STXBP3: variants seen among roughly 807,000 people sequenced by gnomAD.
The protein encoded by STXBP3 is syntaxin-binding protein 3.
STXBP3 carries 41 observed loss-of-function variants against 85.7 expected under a neutral mutation model. The observed-to-expected ratio is 0.48, with a 90% CI of 0.37 to 0.62. The LOEUF is 0.62. STXBP3 is among the 20% of genes least tolerant of loss of function. STXBP3 has a pLI of 0.00. For missense variants in STXBP3, 563 were observed against 703.1 expected (o/e 0.80, Z 2.25); for synonymous variants, 229 against 231.7 (o/e 0.99, Z 0.10).
At chr1:108,755,908 C>T (rs976243857) in intron 3 of STXBP3, among the ~76,000 whole-genome samples, 2 of 152,098 alleles carry the variant, frequency 1.3e-5, no homozygotes, top group African/African-American at 2.4e-5. Flanking sequence ...AAGGAAATCA[C>T]CATATTTAAA....
chr1:108,773,848 T>C (rs1453430013), intron 7 of STXBP3, among the ~76,000 whole-genome samples: 1 of 152,028 alleles, frequency 6.6e-6, no homozygotes, highest in African/African-American at 2.4e-5. Flanking sequence ...TTTTTTTTCC[T>C]CTGCATTATA....
At chr1:108,766,223 G>A (rs1314271713) in intron 6 of STXBP3, among the ~76,000 whole-genome samples, 3 of 148,104 alleles carry the variant, frequency 2.0e-5, no homozygotes, top group East Asian at 2.0e-4. Flanking sequence ...AATTGCCCCC[G>A]CCCCTGAAAA....
At chr1:108,771,650 ATATC>A (rs1480958679) in intron 6 of STXBP3, among the ~76,000 whole-genome samples, 3 of 7,784 alleles carry the variant, frequency 3.9e-4, no homozygotes, top group Admixed American at 2.7e-3. Flanking sequence ...TATATGATAT[ATATC>A]TATATATATC....
intron 16 of STXBP3, among the ~76,000 whole-genome samples, chr1:108,798,875 T>A (rs1663172328): frequency 6.6e-6 from 1 of 152,252 alleles, no homozygotes; most frequent in Non-Finnish European, 1.5e-5. Flanking sequence ...AAAATAACAT[T>A]TGTATGTGGA....
intron 13 of STXBP3, among the ~76,000 whole-genome samples, chr1:108,795,827 A>G (rs1663078307): frequency 6.6e-6 from 1 of 152,218 alleles, no homozygotes; most frequent in Admixed American, 6.5e-5. Context: ...TCAGTGTTCC[A>G]TTAAAATTTG....
chr1:108,767,367 G>A (rs1405395955), intron 6 of STXBP3: 2 of 242,242 alleles, frequency 8.3e-6, no homozygotes, highest in East Asian at 1.4e-4. Flanking sequence ...CCATTGTGAA[G>A]TCCTTAGATC....
intron 6 of STXBP3, among the ~76,000 whole-genome samples, chr1:108,770,196 T>C (rs937767131): frequency 6.6e-6 from 1 of 151,918 alleles, no homozygotes; most frequent in Non-Finnish European, 1.5e-5. Context: ...CGTGGGAGGC[T>C]GAAATTGAGG....
chr1:108,800,571 A>G (rs1557815766), intron 17 of STXBP3, among the ~76,000 whole-genome samples: 1 of 152,102 alleles, frequency 6.6e-6, no homozygotes, highest in African/African-American at 2.4e-5. Context: ...TTTGATAATT[A>G]TTTTTGTGTT....
intron 6 of STXBP3, among the ~76,000 whole-genome samples, chr1:108,765,254 G>A (rs369482367): frequency 1.3e-5 from 2 of 152,282 alleles, no homozygotes; most frequent in African/African-American, 4.8e-5. Flanking sequence ...TTGTACCAGT[G>A]TCATGTTGCA....
chr1:108,756,602 A>T (rs904909389), intron 3 of STXBP3, 88 bp from the exon 4 acceptor site: 2 of 655,778 alleles, frequency 3.0e-6, no homozygotes, highest in African/African-American at 3.8e-5. Flanking sequence ...TCATATTATT[A>T]TAAATGGAAA....
At chr1:108,763,956 T>G (rs954349254) in intron 6 of STXBP3, among the ~76,000 whole-genome samples, 2 of 152,020 alleles carry the variant, frequency 1.3e-5, no homozygotes, top group Non-Finnish European at 2.9e-5. Flanking sequence ...GTCAAGGGGG[T>G]TTGTTACACA....
chr1:108,784,653 C>T (rs964420870), intron 11 of STXBP3, among the ~76,000 whole-genome samples: 2 of 152,018 alleles, frequency 1.3e-5, no homozygotes, highest in African/African-American at 4.8e-5. Flanking sequence ...CAGTCCCCTA[C>T]AGTCTTAACT....
At chr1:108,767,261 CAT>C in intron 6 of STXBP3, 1 of 235,702 alleles carries the variant, frequency 4.2e-6, no homozygotes, top group Non-Finnish European at 8.4e-6. Context: ...ACCTTAGTGT[CAT>C]GTGCTGTAAA....
intron 6 of STXBP3, among the ~76,000 whole-genome samples, chr1:108,761,104 C>G (rs774275460): frequency 3.9e-5 from 6 of 152,056 alleles, no homozygotes; most frequent in Non-Finnish European, 8.8e-5. Context: ...TGGGGTTTCT[C>G]CATGTTGGTC....
chr1:108,806,146 T>A (rs1025533939), intron 17 of STXBP3, among the ~76,000 whole-genome samples: 7 of 151,282 alleles, frequency 4.6e-5, no homozygotes, highest in African/African-American at 1.7e-4. Context: ...GCTAAAAATT[T>A]TTACCAGTGG....
At position 108,756,880 on chromosome 1, in the gene STXBP3, A is replaced by G. The variant is rs1662033847; in HGVS notation, c.258+114A>G. On this transcript the variant is annotated intron_variant, in intron 4 of 18. Transcript: ENST00000370008. Reference sequence around the variant, plus strand: ...CACTTTAGTAGAAAAATATTGCCATAAACTAGTTTGCTTAGGAAAGTTTTT... The same window carrying G: ...CACTTTAGTAGAAAAATATTGCCATGAACTAGTTTGCTTAGGAAAGTTTTT... 1.2e-5 allele frequency: 8 copies of G among 688,902 alleles called. No individual in the cohort carries two copies. The South Asian group carries it at 3.2e-4, about 28-fold the overall frequency. The allele number at this position is 688,902 out of a possible 1,614,324, so 42.7% of individuals were successfully genotyped here. A position where few individuals can be genotyped will look rare whatever the true frequency, so the allele number is the denominator to read the frequency against.
intron 3 of STXBP3, among the ~76,000 whole-genome samples, chr1:108,755,127 TAAAGTC>T (rs1201170703): frequency 6.6e-6 from 1 of 151,938 alleles, no homozygotes; most frequent in East Asian, 1.9e-4. Flanking sequence ...GAGTGGAGAA[TAAAGTC>T]AAGTATAAAA....
intron 16 of STXBP3, among the ~76,000 whole-genome samples, chr1:108,799,220 A>G (rs953637658): frequency 6.6e-6 from 1 of 152,210 alleles, no homozygotes; most frequent in African/African-American, 2.4e-5. Flanking sequence ...TGTTATTCAC[A>G]CATGCTTAAA....
intron 11 of STXBP3, among the ~76,000 whole-genome samples, chr1:108,791,559 C>G (rs1662975480): frequency 1.3e-5 from 2 of 151,664 alleles, no homozygotes; most frequent in South Asian, 4.2e-4. Context: ...CTCCGCATTG[C>G]AACTGAATGT....
Sources: allele counts gnomAD v4.1 joint callset (sites outside exome capture counted in the v4.1 genomes callset), GRCh38; gene constraint gnomAD v4.1.1; transcripts MANE v1.5; gene names NCBI Gene and HGNC (gene_info 2026-07-23, HGNC 2026-07-21).